Variants in STPG2 observed in about 807,000 individuals in gnomAD.
STPG2 encodes the protein sperm tail PG-rich repeat containing 2, also known as sperm-tail PG-rich repeat-containing protein 2.
In STPG2, 56 loss-of-function variants were observed where a neutral mutation model predicts 54.2. The observed-to-expected ratio is 1.03, with a 90% CI of 0.83 to 1.29. The LOEUF is 1.29. Ranked by LOEUF, STPG2 falls within the 50% of genes most tolerant of loss-of-function variation. The pLI is 0.00. For missense variants in STPG2, 596 were observed against 544.9 expected, an observed-to-expected ratio of 1.09 and a Z score of -0.93; for synonymous variants, 200 against 181.8, an observed-to-expected ratio of 1.10 and a Z score of -0.81.
chr4:97,756,091 T>C (rs1045776017), intron 9 of STPG2, among the ~76,000 whole-genome samples: 3 of 152,102 alleles, frequency 2.0e-5, no homozygotes, highest in African/African-American at 7.2e-5. Flanking sequence ...TCTCTCTCTG[T>C]TGTTTTCCTC....
rs74465194 is a variant in STPG2, at chr4:97,645,286, G to A, written c.1320+67413C>T. 1.1e-3 allele frequency among the ~76,000 whole-genome samples: 163 copies of A among 150,766 alleles called. 3 individuals are homozygous for A. In the East Asian group the frequency reaches 0.027, roughly 25 times the overall value. On this transcript the variant is annotated intron_variant, in intron 10 of 10. Transcript: ENST00000295268. Reference sequence around the variant, plus strand: ...CTACATGGCAGCTGCTGACTAGGGTGAGCAGAAAGTATCTTGCTGAAAAAA... The same window carrying A: ...CTACATGGCAGCTGCTGACTAGGGTAAGCAGAAAGTATCTTGCTGAAAAAA...
At chr4:98,125,562 A>AG (rs60609067) in intron 3 of STPG2, among the ~76,000 whole-genome samples, 152,201 of 152,204 alleles carry the variant, frequency 1, 76,099 homozygotes, top group Non-Finnish European at 1. Flanking sequence ...TCTGTCCCAG[A>AG]GGGCACCGAC....
At chr4:98,018,428 T>G (rs906600548) in intron 5 of STPG2, among the ~76,000 whole-genome samples, 20 of 152,366 alleles carry the variant, frequency 1.3e-4, no homozygotes, top group Middle Eastern at 3.4e-3. Flanking sequence ...TGTTGGACAT[T>G]TGGGTTGGTT....
At chr4:97,525,553 C>A (rs1437522015) in intron 4 of STPG2, among the ~76,000 whole-genome samples, 1 of 151,972 alleles carries the variant, frequency 6.6e-6, no homozygotes, top group Non-Finnish European at 1.5e-5. Context: ...GAATAAACAT[C>A]TACACTGTTC....
intron 10 of STPG2, among the ~76,000 whole-genome samples, chr4:97,639,672 A>T (rs2148944001): frequency 1.3e-5 from 2 of 152,132 alleles, no homozygotes; most frequent in Middle Eastern, 6.8e-3. Context: ...GAACATTGCA[A>T]ATTATTCCAA....
At chr4:97,639,764 A>G (rs537547136) in intron 10 of STPG2, among the ~76,000 whole-genome samples, 19 of 152,188 alleles carry the variant, frequency 1.2e-4, no homozygotes, top group Admixed American at 1.2e-3. Flanking sequence ...CACATAATCT[A>G]TATTCTTTAA....
intron 5 of STPG2, chr4:98,048,972 T>C (rs1001236043): frequency 6.6e-6 from 1 of 152,358 alleles, no homozygotes; most frequent in Non-Finnish European, 1.5e-5. Context: ...TTTTTATACA[T>C]AAAGAGATAT....
intron 5 of STPG2, among the ~76,000 whole-genome samples, chr4:98,064,594 A>C (rs1737765911): frequency 6.6e-6 from 1 of 152,224 alleles, no homozygotes; most frequent in African/African-American, 2.4e-5. Context: ...TTGGGTTTAG[A>C]GGATATACAT....
Position 97,698,689 on chromosome 4 carries a change from T to C in STPG2, c.1320+14010A>G, listed in dbSNP as rs563225583. Among the ~76,000 whole-genome samples the C allele has an allele frequency of 3.5e-4, 53 of 152,258 alleles. 1 individual carries two copies. Among genetic ancestry groups the C allele is most frequent in the South Asian group, 2.5e-3 (12 of 4,818 alleles). ...GCTATGGGAGAAACAATGCCATATATTGGAGGCTGATTCAGAGCATTCATG... is the reference window on the plus strand; with the variant it reads ...GCTATGGGAGAAACAATGCCATATACTGGAGGCTGATTCAGAGCATTCATG... On this transcript the variant is annotated intron_variant, in intron 10 of 10. Transcript: ENST00000295268.
intron 10 of STPG2, among the ~76,000 whole-genome samples, chr4:97,691,190 C>T (rs955653997): frequency 2.0e-5 from 3 of 152,126 alleles, no homozygotes; most frequent in East Asian, 3.9e-4. Context: ...TGGATTGCCA[C>T]TGCAGGCTCC....
intron 10 of STPG2, among the ~76,000 whole-genome samples, chr4:97,631,994 C>T (rs1721298047): frequency 6.6e-6 from 1 of 152,000 alleles, no homozygotes; most frequent in African/African-American, 2.4e-5. Flanking sequence ...TGCAAAAACA[C>T]ATTCCCAAAT....
At chr4:97,842,847 T>C (rs1303481869) in intron 8 of STPG2, among the ~76,000 whole-genome samples, 1 of 151,900 alleles carries the variant, frequency 6.6e-6, no homozygotes, top group Non-Finnish European at 1.5e-5. Context: ...CTCTGAAACT[T>C]ATTCCCTTCT....
At chr4:97,548,590 C>T (rs1560654689) in intron 4 of STPG2, among the ~76,000 whole-genome samples, 1 of 152,022 alleles carries the variant, frequency 6.6e-6, no homozygotes, top group Non-Finnish European at 1.5e-5. Flanking sequence ...AATAAAACAT[C>T]ATTATTTAAT....
rs1560549348 is a variant in STPG2 at position 97,840,933 on chromosome 4, C to T, written c.1045-1G>A. On this transcript the variant is annotated splice_acceptor_variant, in intron 8 of 10. Coordinates refer to ENST00000295268, the MANE Select transcript of STPG2 (RefSeq NM_174952.3). LOFTEE classifies it high-confidence loss of function. ...CATAGCTGCCTGGCGCTGGAATAACCTGAAAAAAAATTTAATAGATGAGCA... is the reference window on the plus strand; with the variant it reads ...CATAGCTGCCTGGCGCTGGAATAACTTGAAAAAAAATTTAATAGATGAGCA... 3 of 1,608,068 alleles carry T rather than the reference C, an allele frequency of 1.9e-6. No homozygotes were observed. The highest frequency in any genetic ancestry group is 1.7e-4 in the Middle Eastern group (1 of 6,036).
chr4:97,801,784 C>T (rs1240739542), intron 9 of STPG2, among the ~76,000 whole-genome samples: 1 of 152,036 alleles, frequency 6.6e-6, no homozygotes, highest in African/African-American at 2.4e-5. Flanking sequence ...CTCAGTTTTG[C>T]ACTAGTCCCT....
At chr4:97,893,169 T>A (rs1730835019) in intron 8 of STPG2, 1 of 152,000 alleles carries the variant, frequency 6.6e-6, no homozygotes, top group Non-Finnish European at 1.5e-5. Context: ...ATGGCCTATA[T>A]CCTAAGTGCT....
chr4:98,064,227 C>T (rs1284221894), intron 5 of STPG2, among the ~76,000 whole-genome samples: 1 of 152,022 alleles, frequency 6.6e-6, no homozygotes, highest in Non-Finnish European at 1.5e-5. Context: ...AAAATTTTGC[C>T]ACGAAGCTCT....
At chr4:97,555,818 T>C (rs1388340831), downstream of STPG2, among the ~76,000 whole-genome samples, 1 of 152,060 alleles carries the variant, frequency 6.6e-6, no homozygotes, top group Non-Finnish European at 1.5e-5. Context: ...GTAAATACAA[T>C]AGAAATCTCA....
At chr4:97,630,807 T>C (rs1265679907) in intron 10 of STPG2, among the ~76,000 whole-genome samples, 1 of 151,756 alleles carries the variant, frequency 6.6e-6, no homozygotes, top group African/African-American at 2.4e-5. Flanking sequence ...TAAAAAATCA[T>C]TTAAAATACA....
Sources: allele counts gnomAD v4.1 joint callset (sites outside exome capture counted in the v4.1 genomes callset), GRCh38; gene constraint gnomAD v4.1.1; transcripts MANE v1.5; gene names NCBI Gene and HGNC (gene_info 2026-07-23, HGNC 2026-07-21).